The following ADARB2 variants were observed in gnomAD, a reference collection of about 807,000 sequenced individuals.
ADARB2 encodes the protein adenosine deaminase RNA specific B2 (inactive), also known as inactive double-stranded RNA-specific editase B2.
ADARB2 carries 25 observed loss-of-function variants against 62.2 expected under a neutral mutation model. The observed-to-expected ratio is 0.40, with a 90% CI of 0.29 to 0.56. ADARB2 has a LOEUF of 0.56. ADARB2 is among the 20% of genes least tolerant of loss of function. ADARB2 has a pLI of 0.43. For synonymous variants in ADARB2, 572 were observed against 500.8 expected (o/e 1.14, Z -1.90); for missense variants, 1,071 against 1,077.4 (o/e 0.99, Z 0.08).
intron 3 of ADARB2, among the ~76,000 whole-genome samples, chr10:1,360,158 G>A (rs569766733): frequency 3.1e-4 from 44 of 139,890 alleles, no homozygotes; most frequent in Non-Finnish European, 5.9e-4. Context: ...CTCAAGCACC[G>A]GGCCGGCACC....
At chr10:1,522,329 G>C (rs1228579347) in intron 1 of ADARB2, among the ~76,000 whole-genome samples, 16 of 152,186 alleles carry the variant, frequency 1.1e-4, no homozygotes, top group Non-Finnish European at 2.9e-5. Flanking sequence ...AGGAATCTGA[G>C]AGAAAAAGCC....
chr10:1,685,921 C>T (rs1455128582), intron 1 of ADARB2, among the ~76,000 whole-genome samples: 1 of 152,310 alleles, frequency 6.6e-6, no homozygotes, highest in Non-Finnish European at 1.5e-5. Flanking sequence ...GTGGCCTCTG[C>T]CCGGGACGGA....
At chr10:1,302,920 G>T (rs942278845) in intron 3 of ADARB2, among the ~76,000 whole-genome samples, 3 of 152,246 alleles carry the variant, frequency 2.0e-5, no homozygotes, top group African/African-American at 4.8e-5. Context: ...AAACCACAAA[G>T]ATGGGGAAAA....
rs371206658 is a variant in ADARB2 at position 1,233,827 on chromosome 10, T to C, written c.1380A>G (p.Ser460=). ...ELHLSKRRED[S]ERSIFVRLKE... ...TTAACCGCACGAATATCGATCGCTC[T>C]GAGTCCTCGCGCCGCTTGCTAGGGT... Residue 460 remains serine (S), a synonymous_variant, in exon 6 of 10, where the codon TCA becomes TCG. Transcript: ENST00000381312. The C allele has an allele frequency of 1.9e-6, 3 of 1,613,878 alleles. No individual in the cohort carries two copies. Among genetic ancestry groups the C allele is most frequent in the African/African-American group, 2.7e-5 (2 of 74,898 alleles).
At chr10:1,351,321 C>T (rs776053782) in intron 3 of ADARB2, among the ~76,000 whole-genome samples, 30 of 152,264 alleles carry the variant, frequency 2.0e-4, no homozygotes, top group Middle Eastern at 3.4e-3. Context: ...TTCATCAATA[C>T]GGAGGCTACC....
intron 1 of ADARB2, among the ~76,000 whole-genome samples, chr10:1,683,658 T>TCATG (rs1047552855): frequency 1.3e-5 from 2 of 152,054 alleles, no homozygotes; most frequent in African/African-American, 4.8e-5. Flanking sequence ...TCAGAGCGGG[T>TCATG]CATGGCAAAT....
intron 1 of ADARB2, among the ~76,000 whole-genome samples, chr10:1,449,954 CA>C (rs1831016890): frequency 6.6e-6 from 1 of 152,238 alleles, no homozygotes; most frequent in South Asian, 2.1e-4. Flanking sequence ...AGTGCCTGTG[CA>C]TGCTAATTTT....
At chr10:1,563,737 G>A (rs1438058348) in intron 1 of ADARB2, among the ~76,000 whole-genome samples, 5 of 147,508 alleles carry the variant, frequency 3.4e-5, no homozygotes, top group South Asian at 2.2e-4. Flanking sequence ...CCACTAACTC[G>A]TCATCTAGCA....
In ADARB2 at chr10:1,183,256, C is replaced by T. The variant is rs200586132; in HGVS notation, c.2157G>A (p.Lys719=). 19 of 1,614,140 alleles carry T rather than the reference C, an allele frequency of 1.2e-5. No homozygotes were observed. The East Asian group carries it at 4.0e-4, about 34-fold the overall frequency. Residue 719 remains lysine (K), a synonymous_variant, in exon 10 of 10, where the codon AAG becomes AAA. Transcript: ENST00000381312. ...TCCTCACCCAGGTGCCCAGGCCAGCCTTCTGAAAGGCCTTGAACAGCTGCT... is the reference window on the plus strand; with the variant it reads ...TCCTCACCCAGGTGCCCAGGCCAGCTTTCTGAAAGGCCTTGAACAGCTGCT... The part of the protein sequence containing the change: ...VKQQLFKAFQ[K]AGLGTWVRKP...
chr10:1,710,315 G>A (rs1834935348), intron 1 of ADARB2, among the ~76,000 whole-genome samples: 1 of 152,206 alleles, frequency 6.6e-6, no homozygotes. Flanking sequence ...TCAGGGCCCT[G>A]CAGCACTAAA....
At chr10:1,503,911 C>T (rs765414451) in intron 1 of ADARB2, among the ~76,000 whole-genome samples, 5 of 152,148 alleles carry the variant, frequency 3.3e-5, no homozygotes, top group Admixed American at 6.6e-5. Flanking sequence ...GCCAGCTTCA[C>T]GCTTCTTGTA....
intron 3 of ADARB2, among the ~76,000 whole-genome samples, chr10:1,362,659 C>G (rs1832269714): frequency 6.6e-6 from 1 of 152,164 alleles, no homozygotes; most frequent in African/African-American, 2.4e-5. Context: ...CAGGGCGCCT[C>G]CCTGGTGGAA....
chr10:1,200,514 A>G, intron 7 of ADARB2: 2 of 450,540 alleles, frequency 4.4e-6, no homozygotes, highest in Non-Finnish European at 7.8e-6. Context: ...AATACTATAA[A>G]TGGAATTTGT....
Position 1,271,000 on chromosome 10 carries a change from T to C in ADARB2, c.1147A>G (p.Met383Val), listed in dbSNP as rs763963681. ...GCCAGCGCTTTATGGCGGGCGTGCATGGGCGTGAGGTCCGTCGTCACCTCG... is the reference window on the plus strand; with the variant it reads ...GCCAGCGCTTTATGGCGGGCGTGCACGGGCGTGAGGTCCGTCGTCACCTCG... ...FREVTTDLTPMHARHKALAGI... is the reference protein window; with the variant it reads ...FREVTTDLTPVHARHKALAGI... Residue 383 changes from methionine to valine, a missense_variant, in exon 4 of 10, where the codon ATG becomes GTG. Transcript: ENST00000381312. 2.0e-5 allele frequency: 33 copies of C among 1,613,432 alleles called. No homozygotes were observed. The highest frequency in any genetic ancestry group is 2.5e-5 in the Non-Finnish European group (30 of 1,179,740).
intron 1 of ADARB2, among the ~76,000 whole-genome samples, chr10:1,559,553 A>G (rs1290863886): frequency 3.0e-4 from 46 of 152,104 alleles, no homozygotes; most frequent in Non-Finnish European, 8.8e-5. Flanking sequence ...GTGACAGGGG[A>G]TGGGTGCTGA....
chr10:1,409,644 C>G (rs1273859983), intron 1 of ADARB2, among the ~76,000 whole-genome samples: 1 of 132,494 alleles, frequency 7.5e-6, no homozygotes. Flanking sequence ...CGAGGCCTGG[C>G]TGTGGTCATG....
At chr10:1,706,491 C>T (rs1834891627) in intron 1 of ADARB2, among the ~76,000 whole-genome samples, 1 of 152,226 alleles carries the variant, frequency 6.6e-6, no homozygotes, top group Admixed American at 6.5e-5. Context: ...TCAGGCAACA[C>T]ATTTTGTGCT....
At chr10:1,472,858 C>T (rs34278753) in intron 1 of ADARB2, among the ~76,000 whole-genome samples, 22,235 of 152,026 alleles carry the variant, frequency 0.15, 1,789 homozygotes, top group Middle Eastern at 0.24. Flanking sequence ...GCAGGAGTGT[C>T]GGGTGCCATC....
rs75978268 is a variant in ADARB2 at position 1,298,720 on chromosome 10, ATTTTTTTTTTTTTTTTTTTTTTT to A, written c.1078-27674_1078-27652del. ...GCCGACTATCCCATGTGCGACGGGA[ATTTTTTTTTTTTTTTTTTTTTTT>A]TTTTTTTTTTTTTTTTTTTTTTTTT... On this transcript the variant is annotated intron_variant, in intron 3 of 9. Transcript: ENST00000381312. Among the ~76,000 whole-genome samples, 497 of 110,642 alleles carry A rather than the reference ATTTTTTTTTTTTTTTTTTTTTTT, an allele frequency of 4.5e-3. 5 individuals carry two copies. The highest frequency in any genetic ancestry group is 0.016 in the East Asian group (68 of 4,260). 72.6% of individuals were successfully genotyped at this position (110,642 alleles called of 152,430 possible).
Sources: allele counts gnomAD v4.1 joint callset (sites outside exome capture counted in the v4.1 genomes callset), GRCh38; gene constraint gnomAD v4.1.1; transcripts MANE v1.5; gene names NCBI Gene and HGNC (gene_info 2026-07-23, HGNC 2026-07-21).